Variants in DENND1B observed in about 807,000 individuals in gnomAD.
DENND1B encodes DENN domain containing 1B.
A neutral mutation model predicts 90.1 loss-of-function variants in DENND1B; 59 were observed. The ratio of observed to expected loss-of-function variants is 0.65; its 90% CI spans 0.53 to 0.81. The LOEUF is 0.81. DENND1B is among the 40% of genes least tolerant of loss of function. The pLI, the probability that DENND1B is intolerant of heterozygous loss-of-function variation, is 0.00. For missense variants in DENND1B, 862 were observed against 912.6 expected, an observed-to-expected ratio of 0.94 and a Z score of 0.71; for synonymous variants, 337 against 324.6, an observed-to-expected ratio of 1.04 and a Z score of -0.41.
chr1:197,635,731 T>C (rs1015863092), intron 10 of DENND1B, among the ~76,000 whole-genome samples: 11 of 152,162 alleles, frequency 7.2e-5, no homozygotes, highest in African/African-American at 2.7e-4. Flanking sequence ...GTAAATGCTA[T>C]GATAATTCAG....
chr1:197,683,637 T>C (rs1307689891), intron 3 of DENND1B, among the ~76,000 whole-genome samples: 1 of 152,208 alleles, frequency 6.6e-6, no homozygotes, highest in African/African-American at 2.4e-5. Flanking sequence ...GAGATATTAG[T>C]ATTGTATTCT....
At chr1:197,596,441 GAAACAT>G (rs1675696489) in intron 13 of DENND1B, among the ~76,000 whole-genome samples, 1 of 151,576 alleles carries the variant, frequency 6.6e-6, no homozygotes, top group Non-Finnish European at 1.5e-5. Flanking sequence ...GCTTAAAATG[GAAACAT>G]ATTAAGTTGT....
Position 197,564,605 on chromosome 1 carries a change from A to G in DENND1B, c.1150-11493T>C, listed in dbSNP as rs1051358656. On this transcript the variant is annotated intron_variant, in intron 15 of 22. Transcript: ENST00000620048. ...TTTGTGTAATTCACTTTATTGCAAT[A>G]TTCACTTTATTGTAGTGGTCTGGAA... Among the ~76,000 whole-genome samples, 5 of 151,948 alleles carry G rather than the reference A, an allele frequency of 3.3e-5. No homozygotes were observed. In the South Asian group the frequency reaches 6.2e-4, roughly 19 times the overall value.
At chr1:197,662,504 C>G (rs1184293545) in intron 5 of DENND1B, among the ~76,000 whole-genome samples, 1 of 151,946 alleles carries the variant, frequency 6.6e-6, no homozygotes, top group African/African-American at 2.4e-5. Context: ...AATATATGCT[C>G]AGGGGTCTAC....
chr1:197,620,820 G>A (rs1678092182), intron 10 of DENND1B, among the ~76,000 whole-genome samples: 1 of 151,444 alleles, frequency 6.6e-6, no homozygotes, highest in South Asian at 2.1e-4. Flanking sequence ...ATGTGTTAGT[G>A]GAGAAAGCAA....
At chr1:197,564,395 C>CAAAAAAAA (rs71131780) in intron 15 of DENND1B, among the ~76,000 whole-genome samples, 38 of 63,154 alleles carry the variant, frequency 6.0e-4, no homozygotes, top group African/African-American at 1.3e-3. Flanking sequence ...CCTCCACCAG[C>CAAAAAAAA]AAAAAAAAAA....
chr1:197,703,115 G>T (rs1464455488), intron 3 of DENND1B, among the ~76,000 whole-genome samples: 1 of 152,002 alleles, frequency 6.6e-6, no homozygotes, highest in African/African-American at 2.4e-5. Flanking sequence ...AGTCTCCCAA[G>T]TAGCTGGGAT....
chr1:197,596,350 C>T (rs1220244575), intron 13 of DENND1B, among the ~76,000 whole-genome samples: 1 of 151,988 alleles, frequency 6.6e-6, no homozygotes, highest in African/African-American at 2.4e-5. Context: ...ATCCAATTCA[C>T]TGTACCAATT....
At chr1:197,704,044 G>A (rs1246281548) in intron 3 of DENND1B, among the ~76,000 whole-genome samples, 2 of 152,212 alleles carry the variant, frequency 1.3e-5, no homozygotes, top group East Asian at 3.9e-4. Context: ...AGGAGTTCAC[G>A]ACCAGCCTGG....
intron 16 of DENND1B, among the ~76,000 whole-genome samples, chr1:197,551,948 T>A (rs1304748147): frequency 1.3e-5 from 2 of 152,138 alleles, no homozygotes; most frequent in Non-Finnish European, 2.9e-5. Context: ...ATGCTTTCAA[T>A]GAAATGCTAC....
intron 9 of DENND1B, among the ~76,000 whole-genome samples, chr1:197,645,222 A>G (rs1680626466): frequency 6.6e-6 from 1 of 152,104 alleles, no homozygotes; most frequent in African/African-American, 2.4e-5. Context: ...GAAATTAAGA[A>G]CAGTTCATCT....
intron 2 of DENND1B, among the ~76,000 whole-genome samples, chr1:197,758,777 A>C (rs1380715638): frequency 6.6e-6 from 1 of 152,126 alleles, no homozygotes; most frequent in East Asian, 1.9e-4. Flanking sequence ...ACCTTGAAAC[A>C]GAGATTTAAT....
At chr1:197,606,978 T>C (rs1676739866) in intron 13 of DENND1B, 95 bp downstream of exon 13, 5 of 877,694 alleles carry the variant, frequency 5.7e-6, no homozygotes, top group Non-Finnish European at 9.1e-6. Context: ...CCCAACCCTT[T>C]TATTTCAGAT....
At chr1:197,638,037 A>G (rs998652899) in intron 10 of DENND1B, among the ~76,000 whole-genome samples, 8 of 152,196 alleles carry the variant, frequency 5.3e-5, no homozygotes, top group Admixed American at 6.5e-5. Context: ...AATCCTCTGG[A>G]CTGCCTTTCA....
At chr1:197,717,204 A>T (rs1445140367) in intron 2 of DENND1B, among the ~76,000 whole-genome samples, 2 of 151,960 alleles carry the variant, frequency 1.3e-5, no homozygotes, top group African/African-American at 4.8e-5. Flanking sequence ...GCAAAGGAAG[A>T]AACAAAAGGG....
At chr1:197,526,971 C>T (rs1363968293) in intron 20 of DENND1B, among the ~76,000 whole-genome samples, 2 of 151,994 alleles carry the variant, frequency 1.3e-5, no homozygotes, top group Admixed American at 6.6e-5. Context: ...CTAGAGGGCA[C>T]CCTTGTAATC....
At chr1:197,517,937 T>TTGTG (rs1480042379) in intron 20 of DENND1B, among the ~76,000 whole-genome samples, 19 of 151,720 alleles carry the variant, frequency 1.3e-4, no homozygotes, top group Admixed American at 1.2e-3. Context: ...GTTTGTTTGT[T>TTGTG]TGTTTGTTTT....
At chr1:197,655,119 A>G (rs1318417362) in intron 6 of DENND1B, among the ~76,000 whole-genome samples, 1 of 152,230 alleles carries the variant, frequency 6.6e-6, no homozygotes, top group Admixed American at 6.5e-5. Flanking sequence ...GGAAAATAAC[A>G]TTCTGTCTTA....
intron 2 of DENND1B, among the ~76,000 whole-genome samples, chr1:197,738,977 C>T (rs1272838558): frequency 6.6e-6 from 1 of 152,168 alleles, no homozygotes; most frequent in African/African-American, 2.4e-5. Context: ...ACAAAGAGAA[C>T]AGAGACGAAG....
Sources: gnomAD v4.1 joint callset for allele counts (sites outside exome capture counted in the v4.1 genomes callset) on GRCh38, gnomAD v4.1.1 for gene constraint, MANE v1.5 for transcripts, NCBI Gene and HGNC (gene_info 2026-07-23, HGNC 2026-07-21) for gene names.